CGAS: variants seen among roughly 807,000 people sequenced by gnomAD.
The protein encoded by CGAS is cyclic GMP-AMP synthase, also known as 2'3'-cGAMP synthase.
In CGAS, 31 loss-of-function variants were observed where a neutral mutation model predicts 34.0. The ratio of observed to expected loss-of-function variants is 0.91; its 90% CI spans 0.69 to 1.23. The LOEUF (loss-of-function observed/expected upper bound fraction) is 1.23, where lower values mean the gene tolerates loss of function less well. Ranked by LOEUF, CGAS falls within the 50% of genes most tolerant of loss-of-function variation. CGAS has a pLI of 0.00. For missense variants in CGAS, 597 were observed against 657.6 expected (o/e 0.91, Z 1.01); for synonymous variants, 266 against 260.0 (o/e 1.02, Z -0.22).
chr6:73,451,449 A>C, intron 1 of CGAS, 76 bp downstream of exon 1: 2 of 1,438,272 alleles, frequency 1.4e-6, no homozygotes, highest in Non-Finnish European at 1.9e-6. Context: ...GAGGGGCGCG[A>C]CCCGGGGAAG....
chr6:73,429,962 T>G (rs1770166632), intron 3 of CGAS, among the ~76,000 whole-genome samples: 1 of 152,122 alleles, frequency 6.6e-6, no homozygotes, highest in Non-Finnish European at 1.5e-5. Context: ...AATCAATCAA[T>G]ATAATCTGTC....
intron 1 of CGAS, among the ~76,000 whole-genome samples, chr6:73,451,162 C>T (rs1372361252): frequency 6.6e-6 from 1 of 152,010 alleles, no homozygotes; most frequent in Admixed American, 6.6e-5. Flanking sequence ...TTTTAACAGA[C>T]CACTTCAAAT....
chr6:73,430,292 C>T (rs1770172403), intron 3 of CGAS, among the ~76,000 whole-genome samples: 2 of 152,062 alleles, frequency 1.3e-5, no homozygotes, highest in Admixed American at 6.6e-5. Context: ...GAAACAAAGC[C>T]ATCATTATTC....
rs771628746 is a variant in CGAS, at chr6:73,429,553, G to A, written c.1115-742C>T. On this transcript the variant is annotated intron_variant, in intron 3 of 4. Transcript: ENST00000370315. ...AAATATAGAATGATTTCACCTGGGC[G>A]CGGTGGCTCACGCCTGTAATCCCAG... Among the ~76,000 whole-genome samples, 16 of 152,080 alleles carry A rather than the reference G, an allele frequency of 1.1e-4. No homozygotes were observed. The South Asian group carries it at 1.7e-3, about 16-fold the overall frequency.
intron 1 of CGAS, among the ~76,000 whole-genome samples, chr6:73,447,851 C>T (rs116058022): frequency 0.011 from 1,603 of 152,172 alleles, 25 homozygotes; most frequent in African/African-American, 0.036. Context: ...ACTTTGCAAC[C>T]AGCAATTTTG....
intron 1 of CGAS, among the ~76,000 whole-genome samples, chr6:73,446,768 G>A (rs990461580): frequency 8.3e-6 from 1 of 120,212 alleles, no homozygotes; most frequent in African/African-American, 3.2e-5. Flanking sequence ...AAAAAAAATC[G>A]TCCTTTCAGC....
intron 4 of CGAS, among the ~76,000 whole-genome samples, chr6:73,426,119 C>A (rs895787301): frequency 1.3e-5 from 2 of 151,570 alleles, no homozygotes; most frequent in Non-Finnish European, 2.9e-5. Context: ...CCCATCTCTA[C>A]TAAAAATACA....
Position 73,452,039 on chromosome 6 carries a change from G to T in CGAS, c.143C>A (p.Ala48Glu), listed in dbSNP as rs35629782. 76,815 of 1,505,576 alleles carry T rather than the reference G, an allele frequency of 0.051. 2,189 individuals are homozygous for T. Among genetic ancestry groups the T allele is most frequent in the Non-Finnish European group, 0.059 (66,538 of 1,125,294 alleles). 93.3% of individuals were successfully genotyped at this position (1,505,576 alleles called of 1,614,324 possible). Residue 48 changes from alanine to glutamate, a missense_variant, in exon 1 of 5, where the codon GCG becomes GAG. Physicochemically the swap from Ala to Glu is moderately radical, Grantham distance 107. This residue lies in a region of CGAS where 321 missense variants were observed against 314.3 expected (regional missense o/e 1.02). Coordinates refer to ENST00000370315, the MANE Select transcript of CGAS (RefSeq NM_138441.3). ...CTTCCTGGCGGGGCCGAACTTTCCC[G>T]CCTTAGGCAGGGCGGCCTCGGGGGC... ...PAAPEAALPK[A>E]GKFGPARKSG...
At chr6:73,430,985 C>A (rs1221804901) in intron 3 of CGAS, among the ~76,000 whole-genome samples, 1 of 152,004 alleles carries the variant, frequency 6.6e-6, no homozygotes, top group East Asian at 1.9e-4. Context: ...AGTTGTAATC[C>A]CAGCTACTCA....
At position 73,452,290 on chromosome 6, in the gene CGAS, G is replaced by A. The variant is rs1179051752; in HGVS notation, c.-109C>T. 3 of 1,299,120 alleles carry A rather than the reference G, an allele frequency of 2.3e-6. No individual in the cohort carries two copies. The highest frequency in any genetic ancestry group is 3.2e-5 in the Admixed American group (1 of 30,876). The allele number at this position is 1,299,120 out of a possible 1,614,324, so 80.5% of individuals were successfully genotyped here. A position where few individuals can be genotyped will look rare whatever the true frequency, so the allele number is the denominator to read the frequency against. On this transcript the variant is annotated 5_prime_UTR_variant, in exon 1 of 5. Coordinates refer to ENST00000370315, the MANE Select transcript of CGAS (RefSeq NM_138441.3). The stretch of plus-strand genomic sequence containing the variant: ...CCAAGCACTACTGGCGGGCACACAA[G>A]AGTCTGCGACCCGAAGGGGAACCCC...
intron 2 of CGAS, among the ~76,000 whole-genome samples, chr6:73,441,840 C>G (rs547585576): frequency 6.6e-6 from 1 of 152,248 alleles, no homozygotes; most frequent in Admixed American, 6.5e-5. Flanking sequence ...GGCCACCTCT[C>G]CTGTTACCAC....
In CGAS at chr6:73,452,038, C is replaced by T. The variant is rs373998751; in HGVS notation, c.144G>A (p.Ala48=). ...ACTTCCTGGCGGGGCCGAACTTTCC[C>T]GCCTTAGGCAGGGCGGCCTCGGGGG... ...PAAPEAALPK[A]GKFGPARKSG... Residue 48 remains alanine, a synonymous_variant, in exon 1 of 5, where the codon GCG becomes GCA. Transcript: ENST00000370315. The T allele has an allele frequency of 2.7e-6, 4 of 1,494,864 alleles. No individual in the cohort carries two copies. The highest frequency in any genetic ancestry group is 2.7e-6 in the Non-Finnish European group (3 of 1,120,790). The allele number at this position is 1,494,864 out of a possible 1,614,324, so 92.6% of individuals were successfully genotyped here. A position where few individuals can be genotyped will look rare whatever the true frequency, so the allele number is the denominator to read the frequency against.
intron 3 of CGAS, among the ~76,000 whole-genome samples, chr6:73,436,605 C>G (rs1057467089): frequency 2.0e-5 from 3 of 151,956 alleles, no homozygotes; most frequent in African/African-American, 7.3e-5. Context: ...TCACTGCAGC[C>G]TCAACCTCCA....
intron 1 of CGAS, among the ~76,000 whole-genome samples, chr6:73,448,114 G>T (rs1268458000): frequency 6.6e-6 from 1 of 152,090 alleles, no homozygotes; most frequent in African/African-American, 2.4e-5. Context: ...ACCACTGGCC[G>T]GGCACAGTGG....
rs1325517624 is a variant in CGAS at position 73,442,882 on chromosome 6, C to T, written c.878-2437G>A. On this transcript the variant is annotated intron_variant, in intron 2 of 4. Transcript: ENST00000370315. ...AAAGTGCTGGGATTACAGGCATGAG[C>T]CACCATACCTGGCCTAAAATTTTTT... Among the ~76,000 whole-genome samples, 3 of 152,124 alleles carry T rather than the reference C, an allele frequency of 2.0e-5. No homozygotes were observed. The East Asian group carries it at 5.8e-4, about 30-fold the overall frequency.
At chr6:73,425,772 T>G (rs1201375496) in intron 4 of CGAS, among the ~76,000 whole-genome samples, 194 bp from the exon 5 acceptor site, 1 of 148,788 alleles carries the variant, frequency 6.7e-6, no homozygotes, top group Middle Eastern at 4.1e-3. Flanking sequence ...ATCAAGAGTT[T>G]GAGTCCAGCC....
intron 3 of CGAS, among the ~76,000 whole-genome samples, chr6:73,438,926 A>G (rs939957123): frequency 6.6e-6 from 1 of 152,214 alleles, no homozygotes; most frequent in South Asian, 2.1e-4. Flanking sequence ...GCAGAAAGCT[A>G]TAATTCATTT....
intron 3 of CGAS, 79 bp downstream of exon 3, chr6:73,440,130 C>A: frequency 7.9e-7 from 1 of 1,272,262 alleles, no homozygotes; most frequent in Non-Finnish European, 1.1e-6. Flanking sequence ...CATTGGTTGG[C>A]TGTTGATCTT....
At chr6:73,429,198 A>G (rs1267837201) in intron 3 of CGAS, among the ~76,000 whole-genome samples, 4 of 151,878 alleles carry the variant, frequency 2.6e-5, no homozygotes, top group East Asian at 3.9e-4. Context: ...CAAAAAAAAA[A>G]AAAGAAAGAA....
Sources: allele counts gnomAD v4.1 joint callset (sites outside exome capture counted in the v4.1 genomes callset), GRCh38; gene constraint gnomAD v4.1.1; regional missense constraint gnomAD v4.1.1; transcripts MANE v1.5; gene names NCBI Gene and HGNC (gene_info 2026-07-23, HGNC 2026-07-21).